Variants in ELAVL1 observed in about 807,000 individuals in gnomAD.
The protein encoded by ELAVL1 is ELAV like RNA binding protein 1.
ELAVL1 carries 1 observed loss-of-function variant against 28.4 expected under a neutral mutation model. That is an observed-to-expected ratio of 0.04 (90% confidence interval 0.01 to 0.17). ELAVL1 has a LOEUF of 0.17. ELAVL1 is among the 10% of genes least tolerant of loss of function. The pLI is 1.00. For synonymous variants in ELAVL1, 174 were observed against 183.5 expected (o/e 0.95, Z 0.42); for missense variants, 157 against 447.2 (o/e 0.35, Z 5.85).
chr19:7,966,024 C>A (rs184193733), intron 5 of ELAVL1, among the ~76,000 whole-genome samples: 13 of 152,146 alleles, frequency 8.5e-5, no homozygotes, highest in African/African-American at 3.1e-4. Flanking sequence ...CACTGGGCAG[C>A]GCCCACCCAG....
At chr19:7,994,777 C>A (rs1599678994) in intron 1 of ELAVL1, among the ~76,000 whole-genome samples, 2 of 152,142 alleles carry the variant, frequency 1.3e-5, no homozygotes, top group Non-Finnish European at 2.9e-5. Flanking sequence ...CAACGTGAGA[C>A]CCTGACTCTC....
Position 7,983,779 on chromosome 19 carries a change from T to TG in ELAVL1, c.173-2594dup, listed in dbSNP as rs1985527886. On this transcript the variant is annotated intron_variant, in intron 2 of 5. Transcript: ENST00000407627. ...GCCGGTTCCTCTCAACACAGAAACA[T>TG]GGTCCCTGCTTGGACCAAGTCCCTG... is the stretch of plus-strand genomic sequence containing the variant. Among the ~76,000 whole-genome samples, 4 of 152,246 alleles carry TG rather than the reference T, an allele frequency of 2.6e-5. No individual in the cohort carries two copies. In the South Asian group the frequency reaches 6.2e-4, roughly 24 times the overall value.
Position 7,965,538 on chromosome 19 carries a change from G to A in ELAVL1, c.657-1731C>T, listed in dbSNP as rs571692857. ...ACTGACTGCAAACTCACTGCAGTCT[G>A]GGTCTTTCTTCCTCCTCTTCTCTCA... On this transcript the variant is annotated intron_variant, in intron 5 of 5. Coordinates refer to ENST00000407627, the MANE Select transcript of ELAVL1 (RefSeq NM_001419.3). Among the ~76,000 whole-genome samples, 47 of 152,034 alleles carry A rather than the reference G, an allele frequency of 3.1e-4. 1 individual carries two copies. Among genetic ancestry groups the A allele is most frequent in the Non-Finnish European group, 5.1e-4 (35 of 67,980 alleles).
At chr19:7,978,888 T>G (rs568760545) in intron 3 of ELAVL1, among the ~76,000 whole-genome samples, 60 of 152,324 alleles carry the variant, frequency 3.9e-4, no homozygotes, top group Middle Eastern at 3.4e-3. Flanking sequence ...CAGACCAAGA[T>G]GCAATAAAAT....
At chr19:7,998,720 T>C (rs1396466838) in intron 1 of ELAVL1, among the ~76,000 whole-genome samples, 3 of 152,148 alleles carry the variant, frequency 2.0e-5, no homozygotes, top group East Asian at 1.9e-4. Context: ...CAAGCTCAAG[T>C]GATCCTCCTA....
chr19:7,985,294 G>A (rs1235719285), intron 2 of ELAVL1, among the ~76,000 whole-genome samples: 1 of 152,216 alleles, frequency 6.6e-6, no homozygotes, highest in Non-Finnish European at 1.5e-5. Context: ...TTATGCAGAG[G>A]AGAGGAGGCC....
chr19:7,997,544 C>T (rs1018242421), intron 1 of ELAVL1, among the ~76,000 whole-genome samples: 2 of 152,006 alleles, frequency 1.3e-5, no homozygotes, highest in African/African-American at 2.4e-5. Context: ...TGTGGGAGAG[C>T]GAACTTTCCA....
At chr19:7,974,304 C>A (rs1172351779) in intron 3 of ELAVL1, among the ~76,000 whole-genome samples, 1 of 152,274 alleles carries the variant, frequency 6.6e-6, no homozygotes, top group South Asian at 2.1e-4. Context: ...TGCCAAAGAG[C>A]AAGCTCGCCA....
rs1985448352 is a variant in ELAVL1, at chr19:7,981,054, T to C, written c.276+29A>G. The C allele has an allele frequency of 6.2e-7, 1 of 1,608,938 alleles. No homozygotes were observed. The highest frequency in any genetic ancestry group is 8.5e-7 in the Non-Finnish European group (1 of 1,175,604). ...CACAGACCTGTGCCCAGGGCAGGAA[T>C]GGATGCGGTGGTGATCAGATCCCTT... On this transcript the variant is annotated intron_variant, in intron 3 of 5. Coordinates refer to ENST00000407627, the MANE Select transcript of ELAVL1 (RefSeq NM_001419.3). This position sits in a 1 kb window ranked among gnomAD's most constrained non-coding sequence, Gnocchi z 4.2.
chr19:7,963,875 G>C lies in ELAVL1; in HGVS notation c.657-68C>G, dbSNP rs1642226568. On this transcript the variant is annotated intron_variant, in intron 5 of 5. Coordinates refer to ENST00000407627, the MANE Select transcript of ELAVL1 (RefSeq NM_001419.3). The surrounding 1 kb of genome is among the most constrained non-coding windows in gnomAD (Gnocchi z 4.5). ...CGGCCTGGGGATGGGGCAAGGCCTG[G>C]ACGCATGCTGACCATGGCCGCTGGG... 1 of 1,514,568 alleles carries C rather than the reference G, an allele frequency of 6.6e-7. No individual in the cohort carries two copies. The highest frequency in any genetic ancestry group is 1.4e-5 in the African/African-American group (1 of 72,444). 93.8% of individuals were successfully genotyped at this position (1,514,568 alleles called of 1,614,324 possible).
At chr19:7,989,798 G>T (rs960762839) in intron 2 of ELAVL1, among the ~76,000 whole-genome samples, 1 of 152,226 alleles carries the variant, frequency 6.6e-6, no homozygotes, top group Non-Finnish European at 1.5e-5. Flanking sequence ...TATTAAATCA[G>T]ACTCTTGGAG....
chr19:7,970,012 G>A lies in ELAVL1; in HGVS notation c.431-2222C>T, dbSNP rs143038721. ...TTTTAAGATGGAGTCTCGCTCTGTC[G>A]CCCAGGCTGGAGTACAATGGCACGA... is the stretch of plus-strand genomic sequence containing the variant. On this transcript the variant is annotated intron_variant, in intron 4 of 5. Transcript: ENST00000407627. Among the ~76,000 whole-genome samples, 41 of 151,044 alleles carry A rather than the reference G, an allele frequency of 2.7e-4. No homozygotes were observed. In the East Asian group the frequency reaches 3.7e-3, roughly 14 times the overall value.
chr19:7,998,226 C>A (rs1455720063), intron 1 of ELAVL1, among the ~76,000 whole-genome samples: 1 of 152,178 alleles, frequency 6.6e-6, no homozygotes, highest in Non-Finnish European at 1.5e-5. Flanking sequence ...AGCTTCTATC[C>A]CACAAGCTCC....
chr19:7,997,592 T>C (rs1268125301), intron 1 of ELAVL1, among the ~76,000 whole-genome samples: 2 of 152,096 alleles, frequency 1.3e-5, no homozygotes, highest in East Asian at 1.9e-4. Context: ...CTTTATCCGT[T>C]TGTCAAAACT....
intron 2 of ELAVL1, among the ~76,000 whole-genome samples, chr19:7,983,850 G>C (rs1323567883): frequency 6.6e-6 from 1 of 152,106 alleles, no homozygotes; most frequent in Non-Finnish European, 1.5e-5. Context: ...GGTCCCCTAG[G>C]ATGGTCACTG....
intron 3 of ELAVL1, among the ~76,000 whole-genome samples, chr19:7,974,731 C>A (rs779777045): frequency 1.3e-5 from 2 of 152,000 alleles, no homozygotes; most frequent in African/African-American, 4.8e-5. Context: ...TGAACCTGTG[C>A]GAAAGGAAGT....
At chr19:8,001,926 G>T (rs998513330) in intron 1 of ELAVL1, 2 of 619,582 alleles carry the variant, frequency 3.2e-6, no homozygotes, top group Non-Finnish European at 2.6e-6. Flanking sequence ...CCCTCAAGCG[G>T]TTCAGCCATT....
chr19:7,966,328 G>C (rs918028518), intron 5 of ELAVL1, among the ~76,000 whole-genome samples: 1 of 152,122 alleles, frequency 6.6e-6, no homozygotes, highest in Admixed American at 6.6e-5. Flanking sequence ...CCACATCCTG[G>C]AGTCCAAGGC....
intron 2 of ELAVL1, among the ~76,000 whole-genome samples, chr19:7,984,706 G>C (rs1335840713): frequency 6.6e-6 from 1 of 152,246 alleles, no homozygotes; most frequent in African/African-American, 2.4e-5. Context: ...TCTCCTCTCT[G>C]TGGTAGGTGC....
Sources: gnomAD v4.1 joint callset for allele counts (sites outside exome capture counted in the v4.1 genomes callset) on GRCh38, gnomAD v4.1.1 for gene constraint, Gnocchi (gnomAD v3.1) non-coding constraint, MANE v1.5 for transcripts, NCBI Gene and HGNC (gene_info 2026-07-23, HGNC 2026-07-21) for gene names.